Variants in WNT2B observed in about 807,000 individuals in gnomAD.
WNT2B encodes protein Wnt-2b.
In WNT2B, 19 loss-of-function variants were observed where a neutral mutation model predicts 40.5. The observed-to-expected ratio is 0.47, with a 90% CI of 0.33 to 0.69. The LOEUF (loss-of-function observed/expected upper bound fraction) is 0.69. Ranked by LOEUF, WNT2B falls within the 30% of genes least tolerant of loss-of-function variation. The pLI, the probability that WNT2B is intolerant of heterozygous loss-of-function variation, is 0.02. For missense variants in WNT2B, 467 were observed against 556.4 expected (o/e 0.84, Z 1.62); for synonymous variants, 220 against 211.9 (o/e 1.04, Z -0.33).
rs1652908080 is a variant in WNT2B at position 112,522,029 on chromosome 1, CTTTCTT to C, written c.*1524_*1529del. ...AGGATACGTACCTGTTCTTTTTTTT[CTTTCTT>C]TTTATTTCTTTTAGAGATAGGGTCT... On this transcript the variant is annotated 3_prime_UTR_variant, in exon 5 of 5. Coordinates refer to ENST00000369684, the MANE Select transcript of WNT2B (RefSeq NM_024494.3). 3 of 151,418 alleles carry C rather than the reference CTTTCTT, an allele frequency of 2.0e-5. No homozygotes were observed. The highest frequency in any genetic ancestry group is 4.9e-5 in the African/African-American group (2 of 41,230). The allele number at this position is 151,418 out of a possible 1,614,324, so 9.4% of individuals were successfully genotyped here. A position where few individuals can be genotyped will look rare whatever the true frequency, so the allele number is the denominator to read the frequency against.
At chr1:112,491,438 T>C (rs575638917) in intron 1 of WNT2B, among the ~76,000 whole-genome samples, 30 of 152,146 alleles carry the variant, frequency 2.0e-4, no homozygotes, top group Admixed American at 6.5e-4. Flanking sequence ...ACAGATCAGA[T>C]AGCATTTCAG....
chr1:112,526,536 T>G lies in WNT2B; in HGVS notation c.*6027T>G, dbSNP rs1653432655. The G allele has an allele frequency of 1.9e-5, 3 of 156,038 alleles. No homozygotes were observed. The highest frequency in any genetic ancestry group is 6.3e-5 in the Admixed American group (1 of 15,984). The allele number at this position is 156,038 out of a possible 1,614,324, so 9.7% of individuals were successfully genotyped here. A position where few individuals can be genotyped will look rare whatever the true frequency, so the allele number is the denominator to read the frequency against. ...GGGGCAGATCACGAGGTCAGGAGATTGAGACCATCCTGGCTAACACGGTGA... is the reference window on the plus strand; with the variant it reads ...GGGGCAGATCACGAGGTCAGGAGATGGAGACCATCCTGGCTAACACGGTGA... On this transcript the variant is annotated 3_prime_UTR_variant, in exon 5 of 5. Coordinates refer to ENST00000369684, the MANE Select transcript of WNT2B (RefSeq NM_024494.3).
intron 1 of WNT2B, among the ~76,000 whole-genome samples, chr1:112,480,134 C>T (rs1651179764): frequency 6.6e-6 from 1 of 151,954 alleles, no homozygotes; most frequent in African/African-American, 2.4e-5. Flanking sequence ...CCAAGATGGG[C>T]AGATCACTTG....
chr1:112,467,270 G>A, exon 1 of WNT2B: 1 of 472,036 alleles, frequency 2.1e-6, no homozygotes, highest in Non-Finnish European at 3.8e-6. Flanking sequence ...CGACAGGAAA[G>A]GGCATGGTCT....
chr1:112,508,964 C>A (rs1219567150), upstream of WNT2B: 1 of 1,244,370 alleles, frequency 8.0e-7, no homozygotes, highest in South Asian at 2.9e-5. This position sits in a 1 kb window ranked among gnomAD's most constrained non-coding sequence, Gnocchi z 4.2. Flanking sequence ...AGGGGCTGTC[C>A]GCACACTAGG....
intron 4 of WNT2B, among the ~76,000 whole-genome samples, chr1:112,518,732 C>G (rs577968205): frequency 1.3e-5 from 2 of 152,180 alleles, no homozygotes; most frequent in East Asian, 3.9e-4. Context: ...AATGTGTGTT[C>G]GTTTTTCTCA....
chr1:112,486,118 G>C (rs1777607), intron 1 of WNT2B, among the ~76,000 whole-genome samples: 45,020 of 146,724 alleles, frequency 0.31, 7,732 homozygotes, highest in African/African-American at 0.48. Context: ...GCCTGGGCAA[G>C]ATAATGAGTT....
In WNT2B at chr1:112,526,164, C is replaced by T; in HGVS notation, c.*5655C>T. ...TTCAAGCCCTGTAGGAGTCCCAGGA[C>T]AGCCAAGAGAGTATATCTGAGCACA... On this transcript the variant is annotated 3_prime_UTR_variant, in exon 5 of 5. Coordinates refer to ENST00000369684, the MANE Select transcript of WNT2B (RefSeq NM_024494.3). The T allele has an allele frequency of 6.2e-7, 1 of 1,610,632 alleles. No individual in the cohort carries two copies. The highest frequency in any genetic ancestry group is 2.2e-5 in the East Asian group (1 of 44,864).
At chr1:112,516,453 T>A (rs926386793) in intron 3 of WNT2B, 36 bp downstream of exon 3, 1 of 1,580,550 alleles carries the variant, frequency 6.3e-7, no homozygotes, top group African/African-American at 1.3e-5. Flanking sequence ...CACTCATATT[T>A]GCTGGGGGTG....
exon 1 of WNT2B, chr1:112,467,353 G>A (rs980043349): frequency 1.7e-6 from 1 of 578,666 alleles, no homozygotes; most frequent in African/African-American, 1.9e-5. Flanking sequence ...CATGAGCACA[G>A]GCACATTTAC....
At chr1:112,479,136 G>A (rs148440148) in intron 1 of WNT2B, among the ~76,000 whole-genome samples, 2,275 of 152,026 alleles carry the variant, frequency 0.015, 22 homozygotes, top group Non-Finnish European at 0.023. Flanking sequence ...CAGGAGAATC[G>A]CTTGAACCAA....
chr1:112,497,198 A>C (rs537285565), intron 1 of WNT2B, among the ~76,000 whole-genome samples: 2 of 152,160 alleles, frequency 1.3e-5, no homozygotes, highest in South Asian at 4.1e-4. Context: ...AACGGGTCTG[A>C]GGTCTCAGGG....
At chr1:112,468,271 G>T (rs759081988) in intron 1 of WNT2B, among the ~76,000 whole-genome samples, 1 of 152,080 alleles carries the variant, frequency 6.6e-6, no homozygotes, top group Non-Finnish European at 1.5e-5. Flanking sequence ...ACATCTGAAC[G>T]CAGGCATCCC....
At chr1:112,499,257 C>A (rs1341042298) in intron 1 of WNT2B, among the ~76,000 whole-genome samples, 1 of 151,080 alleles carries the variant, frequency 6.6e-6, no homozygotes, top group Non-Finnish European at 1.5e-5. Flanking sequence ...TGCAATTCTC[C>A]ACAATCTCTT....
At position 112,508,995 on chromosome 1, in the gene WNT2B, C is replaced by G; in HGVS notation, c.-268C>G. On this transcript the variant is annotated 5_prime_UTR_variant, in exon 1 of 5. Coordinates refer to ENST00000369684, the MANE Select transcript of WNT2B (RefSeq NM_024494.3). The surrounding 1 kb of genome is among the most constrained non-coding windows in gnomAD (Gnocchi z 4.2). The stretch of plus-strand genomic sequence containing the variant: ...CTAGGCCCGCAGCTCCCTTCAGCGC[C>G]GCAGACCCCCTGACACCGCACCCGG... The G allele has an allele frequency of 7.6e-7, 1 of 1,313,176 alleles. No individual in the cohort carries two copies. Among genetic ancestry groups the G allele is most frequent in the Non-Finnish European group, 9.6e-7 (1 of 1,038,354 alleles). The allele number at this position is 1,313,176 out of a possible 1,614,324, so 81.3% of individuals were successfully genotyped here.
At chr1:112,483,207 C>T (rs371620163) in intron 1 of WNT2B, among the ~76,000 whole-genome samples, 2 of 97,140 alleles carry the variant, frequency 2.1e-5, no homozygotes, top group South Asian at 3.0e-4. Flanking sequence ...CACACACACA[C>T]ACACACACAC....
rs903695898 is a variant in WNT2B at position 112,509,925 on chromosome 1, G to A, written c.182+481G>A. 2.0e-5 allele frequency among the ~76,000 whole-genome samples: 3 copies of A among 152,192 alleles called. No individual in the cohort carries two copies. The highest frequency in any genetic ancestry group is 7.2e-5 in the African/African-American group (3 of 41,444). On this transcript the variant is annotated intron_variant, in intron 1 of 4. Coordinates refer to ENST00000369684, the MANE Select transcript of WNT2B (RefSeq NM_024494.3). This position sits in a 1 kb window ranked among gnomAD's most constrained non-coding sequence, Gnocchi z 4.2. ...TGGTGAGGCAGCAGCACCCAGCCGA[G>A]GCTTAGAAATGGAATCGAGGCAAAA...
intron 1 of WNT2B, among the ~76,000 whole-genome samples, chr1:112,498,354 A>G (rs1019434833): frequency 3.3e-5 from 5 of 151,826 alleles, no homozygotes; most frequent in Non-Finnish European, 7.4e-5. Flanking sequence ...CCTGGGTTCA[A>G]GTGACTCTCC....
Position 112,509,127 on chromosome 1 carries a change from C to T in WNT2B, c.-136C>T, listed in dbSNP as rs1652241359. The stretch of plus-strand genomic sequence containing the variant: ...GATCCTCCTCCCGGGCTCTGGACCC[C>T]AGGTGATCCTAGGTCCCCAGCCGCC... On this transcript the variant is annotated 5_prime_UTR_variant, in exon 1 of 5. Coordinates refer to ENST00000369684, the MANE Select transcript of WNT2B (RefSeq NM_024494.3). This position sits in a 1 kb window ranked among gnomAD's most constrained non-coding sequence, Gnocchi z 4.2. 33 of 1,370,646 alleles carry T rather than the reference C, an allele frequency of 2.4e-5. No homozygotes were observed. In the South Asian group the frequency reaches 5.0e-4, roughly 21 times the overall value. The allele number at this position is 1,370,646 out of a possible 1,614,324, so 84.9% of individuals were successfully genotyped here. A position where few individuals can be genotyped will look rare whatever the true frequency, so the allele number is the denominator to read the frequency against.
Sources: gnomAD v4.1 joint callset for allele counts (sites outside exome capture counted in the v4.1 genomes callset) on GRCh38, gnomAD v4.1.1 for gene constraint, Gnocchi (gnomAD v3.1) non-coding constraint, MANE v1.5 for transcripts, NCBI Gene and HGNC (gene_info 2026-07-23, HGNC 2026-07-21) for gene names.